PDE1C: variants seen among roughly 807,000 people sequenced by gnomAD.
The protein encoded by PDE1C is phosphodiesterase 1C.
A neutral mutation model predicts 93.1 loss-of-function variants in PDE1C; 62 were observed. That is an observed-to-expected ratio of 0.67 (90% confidence interval 0.54 to 0.82). PDE1C has a LOEUF of 0.82. Among genes scored for constraint, PDE1C ranks in the 40% least tolerant of loss-of-function variants. PDE1C has a pLI of 0.00. For missense variants in PDE1C, 742 were observed against 884.6 expected (o/e 0.84, Z 2.04); for synonymous variants, 325 against 310.1 (o/e 1.05, Z -0.50).
chr7:32,125,300 G>A (rs1799515856), intron 3 of PDE1C, among the ~76,000 whole-genome samples: 1 of 152,158 alleles, frequency 6.6e-6, no homozygotes, highest in Non-Finnish European at 1.5e-5. Flanking sequence ...AATTATGGAA[G>A]ACAGTATAGC....
chr7:31,839,145 AGATT>A (rs1013870405), intron 9 of PDE1C, among the ~76,000 whole-genome samples: 64 of 148,950 alleles, frequency 4.3e-4, no homozygotes, highest in African/African-American at 1.3e-3. Context: ...ATGTATATAT[AGATT>A]ATGTATATAT....
the PDE1C span, among the ~76,000 whole-genome samples, chr7:31,728,360 T>G: frequency 2.6e-5 from 4 of 152,276 alleles, no homozygotes; most frequent in African/African-American, 9.6e-5. Flanking sequence ...GCCCATAAGG[T>G]GCAACCAATC....
chr7:31,861,194 C>A (rs577226608), intron 7 of PDE1C, among the ~76,000 whole-genome samples: 2 of 152,266 alleles, frequency 1.3e-5, no homozygotes, highest in South Asian at 4.2e-4. Flanking sequence ...CATTCTCTTT[C>A]CATGGCTTCC....
At chr7:31,979,234 T>A (rs1042481572) in intron 2 of PDE1C, among the ~76,000 whole-genome samples, 26 of 152,112 alleles carry the variant, frequency 1.7e-4, no homozygotes, top group Non-Finnish European at 3.5e-4. Context: ...AATTAAGAGT[T>A]TCACCCTGGA....
Position 32,041,142 on chromosome 7 carries a change from C to T in PDE1C, c.128+10412G>A, listed in dbSNP as rs1270662810. Reference sequence around the variant, plus strand: ...AGTCTTCCTATGTGCCTCACATAGACTATTTCATTCCAGGCTCACAAGAAC... The same window carrying T: ...AGTCTTCCTATGTGCCTCACATAGATTATTTCATTCCAGGCTCACAAGAAC... On this transcript the variant is annotated intron_variant, in intron 2 of 17. Coordinates refer to ENST00000396191, the MANE Select transcript of PDE1C (RefSeq NM_001191057.4). Among the ~76,000 whole-genome samples, 4 of 152,154 alleles carry T rather than the reference C, an allele frequency of 2.6e-5. No individual in the cohort carries two copies. In the South Asian group the frequency reaches 8.3e-4, roughly 32 times the overall value.
chr7:32,196,943 T>A (rs1454120146), intron 2 of PDE1C, among the ~76,000 whole-genome samples: 1 of 152,216 alleles, frequency 6.6e-6, no homozygotes, highest in African/African-American at 2.4e-5. Context: ...CCAATTCAGT[T>A]AGAAAACACA....
upstream of PDE1C, chr7:32,428,216 C>T (rs968268956): frequency 6.6e-6 from 1 of 152,406 alleles, no homozygotes; most frequent in Non-Finnish European, 1.5e-5. Context: ...CTTACTCCCT[C>T]CTGGTGCCGG....
Position 31,952,663 on chromosome 7 carries a change from T to C in PDE1C, c.129-71803A>G, listed in dbSNP as rs75918924. The stretch of plus-strand genomic sequence containing the variant: ...ATTCCCAGTGGGCTACAGCCATGCC[T>C]CTCTCTGCTTCAAGTTCCACATCTG... On this transcript the variant is annotated intron_variant, in intron 2 of 17. Coordinates refer to ENST00000396191, the MANE Select transcript of PDE1C (RefSeq NM_001191057.4). Among the ~76,000 whole-genome samples the C allele has an allele frequency of 6.6e-3, 1,000 of 152,258 alleles. 15 individuals carry two copies. The highest frequency in any genetic ancestry group is 0.022 in the African/African-American group (933 of 41,540).
At chr7:32,206,006 A>C (rs563564697) in intron 2 of PDE1C, among the ~76,000 whole-genome samples, 1 of 152,202 alleles carries the variant, frequency 6.6e-6, no homozygotes, top group African/African-American at 2.4e-5. Context: ...AGAACCCACC[A>C]GAAGAAACCG....
chr7:32,137,325 G>A (rs1446177218), intron 3 of PDE1C, among the ~76,000 whole-genome samples: 1 of 152,188 alleles, frequency 6.6e-6, no homozygotes, highest in African/African-American at 2.4e-5. Flanking sequence ...AAACCCCAGA[G>A]TCACCTGATT....
At chr7:31,696,879 C>A in the PDE1C span, 1 of 1,428,492 alleles carries the variant, frequency 7.0e-7, no homozygotes, top group Non-Finnish European at 9.5e-7. Flanking sequence ...CTGTCTTCAC[C>A]AGATGTCTAT....
At chr7:32,280,011 A>G (rs1267161272) in intron 1 of PDE1C, among the ~76,000 whole-genome samples, 1 of 152,222 alleles carries the variant, frequency 6.6e-6, no homozygotes, top group Non-Finnish European at 1.5e-5. Flanking sequence ...GAATGATCCC[A>G]CGGCAAATTG....
chr7:32,410,625 C>A lies in PDE1C; in HGVS notation c.310+17197G>T, dbSNP rs111508657. 5.1e-3 allele frequency among the ~76,000 whole-genome samples: 778 copies of A among 152,270 alleles called. 10 individuals are homozygous for A. The highest frequency in any genetic ancestry group is 0.018 in the African/African-American group (737 of 41,540). ...GCCCTGTGTCCTCACCTCCTTTGCCCTCTGGATTCCTATGGGTTCAGCCAA... is the reference window on the plus strand; with the variant it reads ...GCCCTGTGTCCTCACCTCCTTTGCCATCTGGATTCCTATGGGTTCAGCCAA... On this transcript the variant is annotated intron_variant, in intron 1 of 1. Coordinates refer to the PDE1C transcript ENST00000672256.
intron 2 of PDE1C, among the ~76,000 whole-genome samples, chr7:31,927,631 T>C (rs1803578022): frequency 6.6e-6 from 1 of 152,146 alleles, no homozygotes; most frequent in South Asian, 2.1e-4. Context: ...TTCTGCAGCC[T>C]CCGCTGGTGA....
At chr7:32,098,882 G>A (rs1407035547) in intron 3 of PDE1C, among the ~76,000 whole-genome samples, 1 of 152,234 alleles carries the variant, frequency 6.6e-6, no homozygotes, top group African/African-American at 2.4e-5. Context: ...GCCAGGGGCT[G>A]AGGAGGAGGA....
intron 2 of PDE1C, among the ~76,000 whole-genome samples, chr7:32,192,391 G>T (rs1050267858): frequency 1.3e-5 from 2 of 152,086 alleles, no homozygotes; most frequent in Non-Finnish European, 1.5e-5. Flanking sequence ...ACAGGTCAAG[G>T]TTCGTATTTT....
intron 2 of PDE1C, among the ~76,000 whole-genome samples, chr7:32,017,265 T>C (rs1788032281): frequency 6.6e-6 from 1 of 152,132 alleles, no homozygotes; most frequent in African/African-American, 2.4e-5. Context: ...TTTCAAGAAA[T>C]GGTACTGGCT....
the PDE1C span, among the ~76,000 whole-genome samples, chr7:31,721,487 T>C: frequency 6.6e-6 from 1 of 152,212 alleles, no homozygotes; most frequent in African/African-American, 2.4e-5. Flanking sequence ...GCTACTGCAT[T>C]GGGCACCACA....
chr7:31,971,678 T>C (rs909902081), intron 2 of PDE1C, among the ~76,000 whole-genome samples: 2 of 152,206 alleles, frequency 1.3e-5, no homozygotes, highest in East Asian at 3.9e-4. Context: ...ATAGGCAGGC[T>C]TCTGGGTGAA....
Sources: gnomAD v4.1 joint callset for allele counts (sites outside exome capture counted in the v4.1 genomes callset) on GRCh38, gnomAD v4.1.1 for gene constraint, MANE v1.5 for transcripts, NCBI Gene and HGNC (gene_info 2026-07-23, HGNC 2026-07-21) for gene names.